STEAP3: variants seen among roughly 807,000 people sequenced by gnomAD.
The protein encoded by STEAP3 is STEAP3 metalloreductase, also known as metalloreductase STEAP3.
A neutral mutation model predicts 34.9 loss-of-function variants in STEAP3; 35 were observed. The observed-to-expected ratio is 1.00, with a 90% CI of 0.76 to 1.33. STEAP3 has a LOEUF of 1.33. Among genes scored for constraint, STEAP3 ranks in the 40% most tolerant of loss-of-function variants. STEAP3 has a pLI of 0.00. For synonymous variants in STEAP3, 281 were observed against 301.6 expected, an observed-to-expected ratio of 0.93 and a Z score of 0.71; for missense variants, 652 against 667.6, an observed-to-expected ratio of 0.98 and a Z score of 0.26.
At chr2:119,232,500 C>T (rs905263910) in intron 2 of STEAP3, among the ~76,000 whole-genome samples, 1 of 152,146 alleles carries the variant, frequency 6.6e-6, no homozygotes, top group Non-Finnish European at 1.5e-5. Context: ...ATGTGCCTGC[C>T]CCGCTCCTCT....
rs115277200 is a variant in STEAP3, at chr2:119,257,140, C to T, written c.1215+2292C>T. On this transcript the variant is annotated intron_variant, in intron 5 of 5. Coordinates refer to ENST00000393110, the MANE Select transcript of STEAP3 (RefSeq NM_182915.3). The stretch of plus-strand genomic sequence containing the variant: ...TGCAATTGATTCCATGGATCACAAG[C>T]AGCATTTTAAAAATGAAATAAAATA... 3.0e-3 allele frequency among the ~76,000 whole-genome samples: 459 copies of T among 152,224 alleles called. 2 individuals are homozygous for T. Among genetic ancestry groups the T allele is most frequent in the African/African-American group, 0.01 (429 of 41,526 alleles).
chr2:119,239,948 A>T (rs187222219), intron 2 of STEAP3, among the ~76,000 whole-genome samples: 146 of 152,344 alleles, frequency 9.6e-4, no homozygotes, highest in Admixed American at 5.0e-3. Flanking sequence ...TACATTTTGA[A>T]TGTATTTTAC....
chr2:119,234,490 C>T (rs767522161), intron 2 of STEAP3, among the ~76,000 whole-genome samples: 13 of 152,244 alleles, frequency 8.5e-5, no homozygotes, highest in Non-Finnish European at 2.9e-5. Context: ...TCCCTGGCTC[C>T]ATAGCGCCCG....
Position 119,236,045 on chromosome 2 carries a change from C to T in STEAP3, c.22+5011C>T, listed in dbSNP as rs549041413. 2.6e-5 allele frequency among the ~76,000 whole-genome samples: 4 copies of T among 152,292 alleles called. No homozygotes were observed. In the East Asian group the frequency reaches 5.8e-4, roughly 22 times the overall value. On this transcript the variant is annotated intron_variant, in intron 2 of 5. Transcript: ENST00000393110. ...CCAAATAGTAGCAGGTCTTTTCCTC[C>T]GATTGTCTTGGGGAGAAATGGGCAT...
At chr2:119,231,256 G>T (rs1193607633) in intron 2 of STEAP3, among the ~76,000 whole-genome samples, 1 of 152,054 alleles carries the variant, frequency 6.6e-6, no homozygotes, top group Non-Finnish European at 1.5e-5. Context: ...CGTTTTCATG[G>T]CCCCCTTTGG....
intron 1 of STEAP3, among the ~76,000 whole-genome samples, chr2:119,225,232 T>A (rs1488348137): frequency 1.3e-5 from 2 of 152,202 alleles, no homozygotes; most frequent in African/African-American, 2.4e-5. Flanking sequence ...CTGTCCCTGG[T>A]GGCCTGCAGA....
At chr2:119,238,012 G>C (rs1345437207) in intron 2 of STEAP3, among the ~76,000 whole-genome samples, 1 of 152,160 alleles carries the variant, frequency 6.6e-6, no homozygotes, top group African/African-American at 2.4e-5. Flanking sequence ...TCTCTTTATG[G>C]CTGAATATTA....
chr2:119,242,715 C>A (rs1272339398), intron 2 of STEAP3, among the ~76,000 whole-genome samples: 1 of 152,220 alleles, frequency 6.6e-6, no homozygotes, highest in Non-Finnish European at 1.5e-5. Context: ...CTTATTTACT[C>A]CTACAACCTG....
rs1558761403 is a variant in STEAP3, at chr2:119,263,359, G to A, written c.*21G>A. 2 of 1,606,788 alleles carry A rather than the reference G, an allele frequency of 1.2e-6. No homozygotes were observed. The highest frequency in any genetic ancestry group is 4.5e-5 in the East Asian group (2 of 44,578). ...TATGAGGTGCCTGCCCTGGGCTCTG[G>A]ACCCCGGGCACACGAGGGACGGTGC... On this transcript the variant is annotated 3_prime_UTR_variant, in exon 6 of 6. Coordinates refer to ENST00000393110, the MANE Select transcript of STEAP3 (RefSeq NM_182915.3).
chr2:119,261,032 T>C (rs531305385), intron 5 of STEAP3, among the ~76,000 whole-genome samples: 5 of 152,298 alleles, frequency 3.3e-5, no homozygotes, highest in African/African-American at 1.2e-4. Flanking sequence ...TGTGCAGCCA[T>C]TGGAAAATGT....
Position 119,230,607 on chromosome 2 carries a change from G to T in STEAP3, c.-393-13G>T, listed in dbSNP as rs1380854060. ...CTTTCTCTCTCTCGCTCACGTGTGT[G>T]TGCGCGCGTTAGATGACATTTATTC... On this transcript the variant is annotated splice_polypyrimidine_tract_variant and intron_variant, in intron 1 of 5. Coordinates refer to ENST00000393110, the MANE Select transcript of STEAP3 (RefSeq NM_182915.3). The T allele has an allele frequency of 4.1e-6, 1 of 245,606 alleles. No homozygotes were observed. Among genetic ancestry groups the T allele is most frequent in the Non-Finnish European group, 8.2e-6 (1 of 121,860 alleles). The allele number at this position is 245,606 out of a possible 1,614,324, so 15.2% of individuals were successfully genotyped here.
chr2:119,240,652 G>A (rs1677221044), intron 2 of STEAP3, among the ~76,000 whole-genome samples: 1 of 152,230 alleles, frequency 6.6e-6, no homozygotes, highest in African/African-American at 2.4e-5. Context: ...GAAGAAGGAG[G>A]GGACAGACAA....
At chr2:119,257,499 C>A in intron 5 of STEAP3, 1 of 1,543,606 alleles carries the variant, frequency 6.5e-7, no homozygotes. Flanking sequence ...CAGTGGAACC[C>A]GAAGACCTGA....
At chr2:119,247,445 G>C (rs879318558) in intron 3 of STEAP3, among the ~76,000 whole-genome samples, 2 of 152,234 alleles carry the variant, frequency 1.3e-5, no homozygotes, top group Non-Finnish European at 2.9e-5. Context: ...TTCCCTCCTT[G>C]AGTAGTTGGC....
chr2:119,260,823 A>G (rs1475239707), intron 5 of STEAP3, among the ~76,000 whole-genome samples: 1 of 152,216 alleles, frequency 6.6e-6, no homozygotes, highest in Non-Finnish European at 1.5e-5. Flanking sequence ...ACTGTGGGTG[A>G]CAGCATAAAG....
At chr2:119,246,048 G>T in intron 3 of STEAP3, 60 bp downstream of exon 3, 1 of 1,547,742 alleles carries the variant, frequency 6.5e-7, no homozygotes, top group Non-Finnish European at 8.7e-7. Context: ...AATTTTCATC[G>T]AGTGCTGCCA....
intron 1 of STEAP3, among the ~76,000 whole-genome samples, chr2:119,225,134 G>A (rs1208541591): frequency 6.6e-6 from 1 of 152,328 alleles, no homozygotes; most frequent in South Asian, 2.1e-4. Context: ...TGCAAGGCTT[G>A]TTAAAAATAT....
At chr2:119,263,019 C>G (rs778232548) in intron 5 of STEAP3, 38 bp from the exon 6 acceptor site, 2 of 1,591,424 alleles carry the variant, frequency 1.3e-6, no homozygotes, top group Non-Finnish European at 1.7e-6. Context: ...CATCTGTCAT[C>G]CCCTCGCCCT....
intron 5 of STEAP3, among the ~76,000 whole-genome samples, chr2:119,262,449 A>G (rs1175248546): frequency 6.6e-6 from 1 of 152,140 alleles, no homozygotes; most frequent in Non-Finnish European, 1.5e-5. Flanking sequence ...ATCTTGGCTC[A>G]CTGCAACCTT....
Sources: gnomAD v4.1 joint callset for allele counts (sites outside exome capture counted in the v4.1 genomes callset) on GRCh38, gnomAD v4.1.1 for gene constraint, MANE v1.5 for transcripts, NCBI Gene and HGNC (gene_info 2026-07-23, HGNC 2026-07-21) for gene names.